The following COL2A1 variants were observed in gnomAD, a reference collection of about 807,000 sequenced individuals.
COL2A1 encodes collagen type II alpha 1 chain.
In COL2A1, 28 loss-of-function variants were observed where a neutral mutation model predicts 204.5. That is an observed-to-expected ratio of 0.14 (90% CI 0.10 to 0.19). COL2A1 has a LOEUF of 0.19. Among genes scored for constraint, COL2A1 ranks in the 10% least tolerant of loss-of-function variants. COL2A1 has a pLI of 1.00. For missense variants in COL2A1, 1,388 were observed against 2,027.5 expected, an observed-to-expected ratio of 0.68 and a Z score of 6.06; for synonymous variants, 708 against 718.7, an observed-to-expected ratio of 0.99 and a Z score of 0.24.
rs1265548014 is a variant in COL2A1 at position 47,977,587 on chromosome 12, A to G, written c.3165+13T>C. The G allele has an allele frequency of 1.2e-6, 2 of 1,613,970 alleles. No individual in the cohort carries two copies. The highest frequency in any genetic ancestry group is 4.5e-5 in the East Asian group (2 of 44,868). ...TCCCCAACCCACTGCACACACAGACACCAGACACTCACCTTGACTCCAGCA... is the reference window on the plus strand; with the variant it reads ...TCCCCAACCCACTGCACACACAGACGCCAGACACTCACCTTGACTCCAGCA... On this transcript the variant is annotated intron_variant, in intron 45 of 53. Coordinates refer to ENST00000380518, the MANE Select transcript of COL2A1 (RefSeq NM_001844.5).
chr12:47,996,664 A>G, intron 7 of COL2A1, 39 bp from the exon 8 acceptor site: 1 of 1,560,836 alleles, frequency 6.4e-7, no homozygotes, highest in Non-Finnish European at 8.8e-7. Flanking sequence ...GTTGAAAGGC[A>G]CTAGGTCTTC....
Position 47,985,534 on chromosome 12 carries a change from A to G in COL2A1, c.1734T>C (p.Ser578=). Residue 578 remains serine (S), a splice_region_variant and synonymous_variant, in exon 26 of 54, where the codon TCT becomes TCC. Coordinates refer to ENST00000380518, the MANE Select transcript of COL2A1 (RefSeq NM_001844.5). ...DAGPQGKVGP[S]GAPGEDGRPG... ...AGCAGCCCTCAGAGGATAGACTTAC[A>G]GAAGGGCCAACTTTGCCTTGAGGAC... The G allele has an allele frequency of 1.2e-6, 2 of 1,613,984 alleles. No homozygotes were observed. Among genetic ancestry groups the G allele is most frequent in the Non-Finnish European group, 8.5e-7 (1 of 1,179,962 alleles).
At chr12:47,996,751 A>T in intron 7 of COL2A1, 126 bp from the exon 8 acceptor site, 1 of 829,432 alleles carries the variant, frequency 1.2e-6, no homozygotes, top group Non-Finnish European at 2.1e-6. Flanking sequence ...AGACTAACCT[A>T]TCATTGATCA....
At chr12:47,986,925 TCCAGGGAG>T (rs775802900) in intron 21 of COL2A1, 37 bp from the exon 22 acceptor site, 1 of 1,613,352 alleles carries the variant, frequency 6.2e-7, no homozygotes, top group Admixed American at 1.7e-5. Context: ...CCAGATTCTC[TCCAGGGAG>T]CCTGCCCCTC....
At position 47,987,042 on chromosome 12, in the gene COL2A1, T is replaced by C. The variant is rs1277258673; in HGVS notation, c.1365+36A>G. 5 of 1,597,618 alleles carry C rather than the reference T, an allele frequency of 3.1e-6. No individual in the cohort carries two copies. The highest frequency in any genetic ancestry group is 3.4e-6 in the Non-Finnish European group (4 of 1,165,134). ...GGGTGATGGGGTTTGACTCCAGAGA[T>C]GTCAGTGGAACTTGGGGGTCACTTT... On this transcript the variant is annotated intron_variant, in intron 21 of 53. Coordinates refer to ENST00000380518, the MANE Select transcript of COL2A1 (RefSeq NM_001844.5). This position sits in a 1 kb window ranked among gnomAD's most constrained non-coding sequence, Gnocchi z 4.1.
At chr12:47,996,003 C>T in intron 8 of COL2A1, 84 bp from the exon 9 acceptor site, 2 of 1,136,810 alleles carry the variant, frequency 1.8e-6, no homozygotes, top group Non-Finnish European at 2.7e-6. Flanking sequence ...AGCCAACAGC[C>T]CGGGCAAAGG....
At position 47,980,785 on chromosome 12, in the gene COL2A1, T is replaced by C; in HGVS notation, c.2518-124A>G. 2 of 1,382,868 alleles carry C rather than the reference T, an allele frequency of 1.4e-6. No homozygotes were observed. The highest frequency in any genetic ancestry group is 2.0e-6 in the Non-Finnish European group (2 of 993,438). 85.7% of individuals were successfully genotyped at this position (1,382,868 alleles called of 1,614,324 possible). On this transcript the variant is annotated intron_variant, in intron 38 of 53. Coordinates refer to ENST00000380518, the MANE Select transcript of COL2A1 (RefSeq NM_001844.5). This position sits in a 1 kb window ranked among gnomAD's most constrained non-coding sequence, Gnocchi z 4.5. ...CCTGGTCTGGACATGATGGTTCTAT[T>C]AGTATGGAGGCGGGAAAGGAGAGGA...
intron 36 of COL2A1, 95 bp downstream of exon 36, chr12:47,981,681 G>T: frequency 7.4e-7 from 1 of 1,359,118 alleles, no homozygotes; most frequent in Non-Finnish European, 1.0e-6. Flanking sequence ...GGTGACAGTG[G>T]TGAGGGAGGA....
Position 47,973,543 on chromosome 12 carries a change from C to T in COL2A1, c.4328G>A (p.Gly1443Asp), listed in dbSNP as rs1938540779. 6.2e-7 allele frequency: 1 copy of T among 1,614,016 alleles called. No individual in the cohort carries two copies. The highest frequency in any genetic ancestry group is 1.7e-5 in the Admixed American group (1 of 59,996). ...ALKDGCTKHT[G>D]KWGKTVIEYR... ...CTCGATAACAGTCTTGCCCCACTTA[C>T]CGGTATGTTTCTAGGGGAGAAAAAA... Residue 1443 changes from glycine (G) to aspartate (D), a missense_variant, in exon 54 of 54, where the codon GGT becomes GAT. By Grantham distance (94) the Gly-to-Asp change is moderately conservative. Coordinates refer to ENST00000380518, the MANE Select transcript of COL2A1 (RefSeq NM_001844.5).
chr12:47,987,727 G>A lies in COL2A1; in HGVS notation c.1123-18C>T, dbSNP rs1166549713. On this transcript the variant is annotated intron_variant, in intron 18 of 53. Transcript: ENST00000380518. This position sits in a 1 kb window ranked among gnomAD's most constrained non-coding sequence, Gnocchi z 4.1. The stretch of plus-strand genomic sequence containing the variant: ...GCTTCACCCTGGGAAGAGACAGGGA[G>A]GATGAAATGAAGAAGAAGAGAGGGG... The A allele has an allele frequency of 6.3e-7, 1 of 1,593,934 alleles. No individual in the cohort carries two copies. Among genetic ancestry groups the A allele is most frequent in the Non-Finnish European group, 8.6e-7 (1 of 1,165,888 alleles).
intron 2 of COL2A1, among the ~76,000 whole-genome samples, chr12:47,999,537 G>A (rs1793954): frequency 0.54 from 82,529 of 152,000 alleles, 24,066 homozygotes; most frequent in Non-Finnish European, 0.67. Context: ...AAGACAAGGT[G>A]TCGGTGGCAG....
intron 29 of COL2A1, 64 bp downstream of exon 29, chr12:47,984,023 C>T: frequency 4.9e-6 from 7 of 1,426,250 alleles, no homozygotes; most frequent in Non-Finnish European, 6.8e-6. Context: ...GATGGGCTCT[C>T]CCACCCCCAC....
chr12:47,976,423 C>T lies in COL2A1; in HGVS notation c.3489+91G>A, dbSNP rs1565668566. The T allele has an allele frequency of 3.5e-6, 5 of 1,446,084 alleles. No homozygotes were observed. The East Asian group carries it at 9.1e-5, about 26-fold the overall frequency. 89.6% of individuals were successfully genotyped at this position (1,446,084 alleles called of 1,614,324 possible). A position where few individuals can be genotyped will look rare whatever the true frequency, so the allele number is the denominator to read the frequency against. ...GTGAGGACCCCTGAGCCCACAGCTT[C>T]CCCAGAAGCAGCAGCATTTCCCTCC... On this transcript the variant is annotated intron_variant, in intron 49 of 53. Coordinates refer to ENST00000380518, the MANE Select transcript of COL2A1 (RefSeq NM_001844.5). This position sits in a 1 kb window ranked among gnomAD's most constrained non-coding sequence, Gnocchi z 4.3.
intron 3 of COL2A1, 104 bp downstream of exon 3, chr12:47,998,311 C>T: frequency 6.5e-7 from 1 of 1,539,874 alleles, no homozygotes; most frequent in Non-Finnish European, 9.0e-7. Context: ...CAGATATCTT[C>T]TGATGTCTAA....
intron 1 of COL2A1, 23 bp downstream of exon 1, chr12:48,004,214 G>GGCAT: frequency 6.7e-7 from 1 of 1,501,160 alleles, no homozygotes; most frequent in African/African-American, 1.4e-5. Context: ...CAGGCAGGCA[G>GGCAT]GCAGGGGCGG....
Position 47,999,979 on chromosome 12 carries a change from G to A in COL2A1, c.232C>T (p.Pro78Ser). Residue 78 changes from proline (P) to serine (S), a missense_variant, in exon 2 of 54, where the codon CCT (proline) becomes TCT (serine). Physicochemically the swap from Pro to Ser is moderately conservative, Grantham distance 74. This residue lies in a region of COL2A1 where 201 missense variants were observed against 242.4 expected (regional missense o/e 0.83). Transcript: ENST00000380518. ...ICEDVKDCLSPEIPFGECCPI... is the reference protein window; with the variant it reads ...ICEDVKDCLSSEIPFGECCPI... ...CAGCACTCTCCGAAGGGGATCTCAG[G>A]GCTGAGGCAGTCTTTCACGTCTTCA... 1 of 1,614,216 alleles carries A rather than the reference G, an allele frequency of 6.2e-7. No homozygotes were observed. The highest frequency in any genetic ancestry group is 8.5e-7 in the Non-Finnish European group (1 of 1,180,036).
chr12:47,992,740 G>A, intron 16 of COL2A1, 138 bp downstream of exon 16: 1 of 889,420 alleles, frequency 1.1e-6, no homozygotes, highest in East Asian at 2.6e-5. Flanking sequence ...AGTTTTGATG[G>A]GCACACTGGG....
chr12:48,001,664 A>G (rs1053870597), intron 1 of COL2A1, among the ~76,000 whole-genome samples: 1 of 152,168 alleles, frequency 6.6e-6, no homozygotes, highest in Non-Finnish European at 1.5e-5. Flanking sequence ...GCTGGGTGTA[A>G]GAGCCGCTGA....
At chr12:47,981,028 C>G in intron 37 of COL2A1, 60 bp from the exon 38 acceptor site, 1 of 1,504,910 alleles carries the variant, frequency 6.6e-7, no homozygotes, top group Non-Finnish European at 9.0e-7. Context: ...GCTTCTGCTC[C>G]CCTCCAAGAG....
Sources: gnomAD v4.1 joint callset for allele counts (sites outside exome capture counted in the v4.1 genomes callset) on GRCh38, gnomAD v4.1.1 for gene constraint, gnomAD v4.1.1 regional missense constraint, Gnocchi (gnomAD v3.1) non-coding constraint, MANE v1.5 for transcripts, NCBI Gene and HGNC (gene_info 2026-07-23, HGNC 2026-07-21) for gene names.